Variants in XNDC1N observed in about 807,000 individuals in gnomAD.
XNDC1N encodes the protein protein XNDC1N.
the XNDC1N span, among the ~76,000 whole-genome samples, chr11:71,902,057 G>T: frequency 1.3e-5 from 2 of 152,052 alleles, no homozygotes; most frequent in Non-Finnish European, 2.9e-5. Context: ...TTTGTTTTCT[G>T]ATTCCCCAGA....
the XNDC1N span, among the ~76,000 whole-genome samples, chr11:71,895,025 G>C: frequency 6.6e-6 from 1 of 152,060 alleles, no homozygotes; most frequent in Non-Finnish European, 1.5e-5. Context: ...TCTTGGCTTT[G>C]AGTCAAATCA....
the XNDC1N span, among the ~76,000 whole-genome samples, chr11:71,866,186 C>A: frequency 1.3e-5 from 2 of 151,134 alleles, no homozygotes; most frequent in East Asian, 3.9e-4. Context: ...GTTATAAATA[C>A]CTGACCATAT....
the XNDC1N span, among the ~76,000 whole-genome samples, chr11:71,913,424 G>C: frequency 6.6e-6 from 1 of 152,048 alleles, no homozygotes; most frequent in Non-Finnish European, 1.5e-5. Context: ...ACTTTGGAAG[G>C]CCGAGGCTAG....
At chr11:71,914,288 C>T in the XNDC1N span, 1 of 455,744 alleles carries the variant, frequency 2.2e-6, no homozygotes. Flanking sequence ...GGGAGGAGGT[C>T]ACAGCATCAA....
chr11:71,917,344 G>A, the XNDC1N span: 2 of 622,066 alleles, frequency 3.2e-6, no homozygotes, highest in Admixed American at 2.7e-5. Flanking sequence ...AAGTGTGTGT[G>A]TTCTATATAT....
the XNDC1N span, among the ~76,000 whole-genome samples, chr11:71,866,218 G>T: frequency 1.3e-5 from 2 of 151,262 alleles, no homozygotes; most frequent in African/African-American, 4.9e-5. Context: ...AGATTTTAGG[G>T]CAATGTTGCT....
chr11:71,891,398 C>T, the XNDC1N span, among the ~76,000 whole-genome samples: 1 of 151,860 alleles, frequency 6.6e-6, no homozygotes, highest in Non-Finnish European at 1.5e-5. Context: ...TCATCCTCTC[C>T]ACCCAGGAAA....
At chr11:71,893,404 G>A in the XNDC1N span, 3 of 701,540 alleles carry the variant, frequency 4.3e-6, no homozygotes, top group Admixed American at 4.1e-5. Context: ...CCAGCATTAA[G>A]GGCTGGTTTT....
chr11:71,865,687 T>C, the XNDC1N span: 1 of 251,784 alleles, frequency 4.0e-6, no homozygotes, highest in Non-Finnish European at 7.9e-6. Context: ...GGCCATTTAA[T>C]AAAGAAGTTC....
the XNDC1N span, among the ~76,000 whole-genome samples, chr11:71,900,197 A>C: frequency 0.025 from 3,871 of 152,012 alleles, 54 homozygotes; most frequent in Middle Eastern, 0.061. Context: ...TAAAAATAAT[A>C]ATCAGTAAAA....
the XNDC1N span, among the ~76,000 whole-genome samples, chr11:71,886,143 T>A: frequency 2.6e-5 from 4 of 151,974 alleles, no homozygotes; most frequent in African/African-American, 9.7e-5. Context: ...AGAGGCGTGT[T>A]TTTGGGTACC....
the XNDC1N span, among the ~76,000 whole-genome samples, chr11:71,873,586 T>A: frequency 6.6e-6 from 1 of 152,202 alleles, no homozygotes; most frequent in Non-Finnish European, 1.5e-5. Context: ...AGAGTTTCCA[T>A]AGAAATATCT....
chr11:71,882,030 C>CA, the XNDC1N span, among the ~76,000 whole-genome samples: 1 of 151,136 alleles, frequency 6.6e-6, no homozygotes, highest in Non-Finnish European at 1.5e-5. Flanking sequence ...AAGATAAATA[C>CA]AAAAAATTTA....
the XNDC1N span, among the ~76,000 whole-genome samples, chr11:71,897,282 G>T: frequency 6.6e-6 from 1 of 152,192 alleles, no homozygotes; most frequent in Non-Finnish European, 1.5e-5. Flanking sequence ...GGCGAACTGA[G>T]TGAAAACATA....
the XNDC1N span, chr11:71,915,987 CTA>C: frequency 6.1e-6 from 4 of 655,656 alleles, no homozygotes; most frequent in Non-Finnish European, 1.1e-5. Context: ...GTGTGTGTGT[CTA>C]TGTCTCAAAC....
the XNDC1N span, among the ~76,000 whole-genome samples, chr11:71,905,576 G>A: frequency 6.6e-6 from 1 of 151,956 alleles, no homozygotes; most frequent in East Asian, 1.9e-4. Context: ...ATATCACAAG[G>A]TGTACACTCA....
chr11:71,899,870 C>G, the XNDC1N span, among the ~76,000 whole-genome samples: 8 of 147,814 alleles, frequency 5.4e-5, no homozygotes, highest in Non-Finnish European at 9.1e-5. Flanking sequence ...GAGGAAGGCC[C>G]CTGTCTCCTG....
the XNDC1N span, among the ~76,000 whole-genome samples, chr11:71,891,098 C>T: frequency 5.3e-5 from 8 of 152,008 alleles, no homozygotes; most frequent in Non-Finnish European, 1.0e-4. Context: ...TTATCCTCTC[C>T]CTCCCAGGGT....
chr11:71,898,123 G>A, the XNDC1N span, among the ~76,000 whole-genome samples: 25 of 152,010 alleles, frequency 1.6e-4, no homozygotes, highest in African/African-American at 5.6e-4. Flanking sequence ...GGCGGAGGTT[G>A]GAGTGAGCCC....
Sources: gnomAD v4.1 joint callset for allele counts (sites outside exome capture counted in the v4.1 genomes callset) on GRCh38, gnomAD v4.1.1 for gene constraint, MANE v1.5 for transcripts, NCBI Gene and HGNC (gene_info 2026-07-23, HGNC 2026-07-21) for gene names.